NBEA: variants seen among roughly 807,000 people sequenced by gnomAD.
The protein encoded by NBEA is neurobeachin.
A neutral mutation model predicts 343.4 loss-of-function variants in NBEA; 44 were observed. The observed-to-expected ratio is 0.13, with a 90% CI of 0.10 to 0.16. The LOEUF (loss-of-function observed/expected upper bound fraction) is 0.16, where lower values mean the gene tolerates loss of function less well. NBEA is among the 10% of genes least tolerant of loss of function. The pLI, the probability that NBEA is intolerant of heterozygous loss-of-function variation, is 1.00. For missense variants in NBEA, 2,555 were observed against 3,631.3 expected, an observed-to-expected ratio of 0.70 and a Z score of 7.62; for synonymous variants, 1,175 against 1,238.7, an observed-to-expected ratio of 0.95 and a Z score of 1.08.
intron 1 of NBEA, among the ~76,000 whole-genome samples, chr13:35,013,979 C>A (rs1430391894): frequency 1.3e-5 from 2 of 151,944 alleles, no homozygotes; most frequent in African/African-American, 4.8e-5. Context: ...TTTAGAAATT[C>A]TCAACTGCAT....
chr13:35,380,215 C>G (rs1171765173), intron 38 of NBEA, among the ~76,000 whole-genome samples: 1 of 70,884 alleles, frequency 1.4e-5, no homozygotes, highest in African/African-American at 3.1e-5. Context: ...AAGGCTGAGG[C>G]AGGTGAATCA....
At chr13:35,661,082 G>A (rs926105417) in intron 55 of NBEA, among the ~76,000 whole-genome samples, 5 of 152,234 alleles carry the variant, frequency 3.3e-5, no homozygotes, top group Admixed American at 3.3e-4. Flanking sequence ...CTTGCTACTC[G>A]GCCTCGGCTT....
intron 41 of NBEA, among the ~76,000 whole-genome samples, chr13:35,490,570 A>T (rs2076464479): frequency 6.6e-6 from 1 of 151,988 alleles, no homozygotes; most frequent in East Asian, 1.9e-4. Flanking sequence ...TCTGCCTAAA[A>T]GTCAGCTAAA....
chr13:35,289,779 C>T (rs904335864), intron 34 of NBEA, among the ~76,000 whole-genome samples: 8 of 151,786 alleles, frequency 5.3e-5, no homozygotes, highest in African/African-American at 1.9e-4. Flanking sequence ...GACATTATTG[C>T]AATCAGGTTT....
At chr13:35,184,919 A>T (rs958394069) in intron 30 of NBEA, among the ~76,000 whole-genome samples, 2 of 152,128 alleles carry the variant, frequency 1.3e-5, no homozygotes, top group African/African-American at 4.8e-5. Context: ...TCCTGGGATG[A>T]TAAATATGAT....
At chr13:35,293,384 A>G (rs1486428851) in intron 35 of NBEA, among the ~76,000 whole-genome samples, 1 of 152,012 alleles carries the variant, frequency 6.6e-6, no homozygotes, top group Non-Finnish European at 1.5e-5. Flanking sequence ...TTTCTGATAT[A>G]GATCTTATGA....
chr13:35,121,047 G>A (rs970521684), intron 16 of NBEA, among the ~76,000 whole-genome samples: 7 of 152,040 alleles, frequency 4.6e-5, no homozygotes. Context: ...TAGAAACTCT[G>A]TGAGAACTTC....
intron 41 of NBEA, chr13:35,476,286 C>A: frequency 8.0e-7 from 1 of 1,253,268 alleles, no homozygotes; most frequent in Non-Finnish European, 1.1e-6. Context: ...AGTGCTGCAG[C>A]GTTGGTTTCC....
chr13:35,640,620 A>G (rs2083900504), intron 49 of NBEA, among the ~76,000 whole-genome samples: 2 of 152,194 alleles, frequency 1.3e-5, no homozygotes, highest in African/African-American at 2.4e-5. Flanking sequence ...GCAGAATTGT[A>G]TAAAGGAGAG....
intron 41 of NBEA, among the ~76,000 whole-genome samples, chr13:35,520,977 GAGA>G (rs1364347977): frequency 6.6e-6 from 1 of 151,920 alleles, no homozygotes. Context: ...TTTGTCCATA[GAGA>G]AGAAAATTCC....
intron 38 of NBEA, among the ~76,000 whole-genome samples, chr13:35,425,133 G>A (rs1031216697): frequency 3.9e-5 from 6 of 152,004 alleles, no homozygotes; most frequent in African/African-American, 7.2e-5. Context: ...AGGGTTTTTT[G>A]TGTCTCTATT....
intron 41 of NBEA, among the ~76,000 whole-genome samples, chr13:35,541,154 A>G (rs1435987076): frequency 1.3e-5 from 2 of 151,872 alleles, no homozygotes; most frequent in East Asian, 1.9e-4. Context: ...GCTTCTTACA[A>G]TATATGCACA....
At chr13:35,211,254 T>A in intron 33 of NBEA, 75 bp downstream of exon 33, 1 of 1,224,002 alleles carries the variant, frequency 8.2e-7, no homozygotes, top group Non-Finnish European at 1.1e-6. Flanking sequence ...TACAAAAATA[T>A]AGAAAGAGTT....
At chr13:34,944,428 C>T (rs1023237042) in intron 1 of NBEA, among the ~76,000 whole-genome samples, 3 of 152,148 alleles carry the variant, frequency 2.0e-5, no homozygotes, top group African/African-American at 7.2e-5. Flanking sequence ...TTTCCTTTTG[C>T]TAGTGTGTCA....
chr13:35,090,384 A>T (rs2065021107), intron 10 of NBEA, among the ~76,000 whole-genome samples: 1 of 151,974 alleles, frequency 6.6e-6, no homozygotes, highest in Admixed American at 6.6e-5. Context: ...TGGGGTTAGG[A>T]AATGTCTTCT....
intron 34 of NBEA, among the ~76,000 whole-genome samples, chr13:35,285,333 A>C (rs1295910058): frequency 6.6e-6 from 1 of 152,196 alleles, no homozygotes; most frequent in Non-Finnish European, 1.5e-5. Flanking sequence ...TTCCAAAACA[A>C]ACAAAAAGAT....
At chr13:35,624,916 A>G (rs1593400049) in intron 48 of NBEA, among the ~76,000 whole-genome samples, 1 of 152,068 alleles carries the variant, frequency 6.6e-6, no homozygotes, top group Non-Finnish European at 1.5e-5. Flanking sequence ...CGGCAGCTTT[A>G]TGTCTTCGTT....
chr13:35,536,669 T>TAGATAGAC lies in NBEA; in HGVS notation c.6586-13805_6586-13804insTAGACAGA, dbSNP rs1555295329. ...GATGATAGATAGATAGATAGATAGA[T>TAGATAGAC]AGACAGACAGACAGACAGTCAGTCC... On this transcript the variant is annotated intron_variant, in intron 41 of 58. Transcript: ENST00000379939. Among the ~76,000 whole-genome samples the TAGATAGAC allele has an allele frequency of 5.2e-3, 796 of 151,752 alleles. 6 individuals are homozygous for TAGATAGAC. Among genetic ancestry groups the TAGATAGAC allele is most frequent in the African/African-American group, 0.017 (704 of 41,214 alleles).
intron 1 of NBEA, among the ~76,000 whole-genome samples, chr13:35,036,850 C>T (rs978140886): frequency 3.4e-4 from 52 of 152,054 alleles, no homozygotes; most frequent in African/African-American, 9.6e-4. Flanking sequence ...GACCTTTGGG[C>T]GCTTGATTAC....
Sources: gnomAD v4.1 joint callset for allele counts (sites outside exome capture counted in the v4.1 genomes callset) on GRCh38, gnomAD v4.1.1 for gene constraint, MANE v1.5 for transcripts, NCBI Gene and HGNC (gene_info 2026-07-23, HGNC 2026-07-21) for gene names.